The following NELL1 variants were observed in gnomAD, a reference collection of about 807,000 sequenced individuals.
NELL1 encodes neural EGFL like 1.
A neutral mutation model predicts 107.4 loss-of-function variants in NELL1; 76 were observed. That is an observed-to-expected ratio of 0.71 (90% confidence interval 0.59 to 0.86). NELL1 has a LOEUF of 0.86. NELL1 is among the 40% of genes least tolerant of loss of function. The pLI is 0.00. For missense variants in NELL1, 1,024 were observed against 1,005.5 expected (o/e 1.02, Z -0.25); for synonymous variants, 353 against 341.2 (o/e 1.03, Z -0.38).
At chr11:21,131,367 A>G (rs577014431) in intron 13 of NELL1, among the ~76,000 whole-genome samples, 1 of 152,318 alleles carries the variant, frequency 6.6e-6, no homozygotes, top group African/African-American at 2.4e-5. Context: ...TTGGCAAGGA[A>G]ATGCGGTAGA....
At chr11:21,185,504 A>G (rs1312853700) in intron 13 of NELL1, among the ~76,000 whole-genome samples, 1 of 151,618 alleles carries the variant, frequency 6.6e-6, no homozygotes, top group Non-Finnish European at 1.5e-5. Context: ...CATGTTGACC[A>G]GGCTGGTCTT....
At chr11:20,727,723 G>A (rs930419876) in intron 2 of NELL1, among the ~76,000 whole-genome samples, 67 of 152,262 alleles carry the variant, frequency 4.4e-4, no homozygotes, top group African/African-American at 1.5e-3. Flanking sequence ...GGTTTTTATG[G>A]TTTTAGGTCT....
intron 13 of NELL1, among the ~76,000 whole-genome samples, chr11:21,179,861 A>ATTTTTT: frequency 2.4e-5 from 1 of 41,030 alleles, no homozygotes; most frequent in South Asian, 8.2e-4. Flanking sequence ...AAATCAACAC[A>ATTTTTT]CTTTTTTTTT....
rs183119919 is a variant in NELL1, at chr11:20,847,413, A to G, written c.336-170A>G. Among the ~76,000 whole-genome samples the G allele has an allele frequency of 9.8e-5, 15 of 152,300 alleles. 1 individual carries two copies. In the East Asian group the frequency reaches 2.3e-3, roughly 24 times the overall value. Reference sequence around the variant, plus strand: ...GATGTTGCCACGAGGGTTCTCAGACAATAGATTCATTGGGTGTCCTACAGT... The same window carrying G: ...GATGTTGCCACGAGGGTTCTCAGACGATAGATTCATTGGGTGTCCTACAGT... On this transcript the variant is annotated intron_variant, in intron 3 of 19. Coordinates refer to ENST00000357134, the MANE Select transcript of NELL1 (RefSeq NM_006157.5).
intron 12 of NELL1, among the ~76,000 whole-genome samples, chr11:21,084,474 A>T (rs983769662): frequency 9.9e-5 from 15 of 152,156 alleles, no homozygotes; most frequent in African/African-American, 3.6e-4. Context: ...TCTTATAGTG[A>T]TCGCTTGATT....
chr11:21,195,755 A>G (rs1857138889), intron 13 of NELL1, among the ~76,000 whole-genome samples: 1 of 152,144 alleles, frequency 6.6e-6, no homozygotes, highest in African/African-American at 2.4e-5. Context: ...ATCTCAATCC[A>G]TGCAAGCCAT....
intron 15 of NELL1, among the ~76,000 whole-genome samples, chr11:21,373,595 T>G (rs945061228): frequency 5.9e-5 from 9 of 152,130 alleles, no homozygotes; most frequent in African/African-American, 2.2e-4. Context: ...TCAAGTACAC[T>G]TAGTAAAATC....
At chr11:20,928,548 T>A in intron 9 of NELL1, 69 bp downstream of exon 9, 3 of 1,258,302 alleles carry the variant, frequency 2.4e-6, no homozygotes, top group Non-Finnish European at 2.3e-6. Flanking sequence ...TTCCCTGTTT[T>A]TCTGGACTCA....
intron 2 of NELL1, among the ~76,000 whole-genome samples, chr11:20,766,416 T>C (rs1856529532): frequency 6.6e-6 from 1 of 152,226 alleles, no homozygotes; most frequent in Non-Finnish European, 1.5e-5. Flanking sequence ...TGGTTGGCAT[T>C]CAGGGCGTGG....
At chr11:21,446,645 C>G (rs552835465) in intron 15 of NELL1, among the ~76,000 whole-genome samples, 3 of 152,332 alleles carry the variant, frequency 2.0e-5, no homozygotes, top group South Asian at 2.1e-4. Flanking sequence ...TTTCTCCCCA[C>G]AAAACAGGGT....
chr11:21,325,344 G>T (rs1850107499), intron 14 of NELL1, among the ~76,000 whole-genome samples: 1 of 151,918 alleles, frequency 6.6e-6, no homozygotes, highest in South Asian at 2.1e-4. Context: ...CTTAAGCTTT[G>T]TCAACATCTC....
chr11:21,252,543 G>C (rs1316225390), intron 14 of NELL1, among the ~76,000 whole-genome samples: 2 of 152,070 alleles, frequency 1.3e-5, no homozygotes, highest in Non-Finnish European at 2.9e-5. Context: ...TACTTTTTAG[G>C]ATAGCAGTTT....
intron 14 of NELL1, among the ~76,000 whole-genome samples, chr11:21,316,064 GT>G (rs2133656120): frequency 6.6e-6 from 1 of 152,168 alleles, no homozygotes; most frequent in Non-Finnish European, 1.5e-5. Flanking sequence ...TTTTGGGACA[GT>G]TTGTGAATAT....
At chr11:21,173,114 A>T (rs11025958) in intron 13 of NELL1, among the ~76,000 whole-genome samples, 32,780 of 151,682 alleles carry the variant, frequency 0.22, 4,452 homozygotes, top group Middle Eastern at 0.35. Flanking sequence ...TTTCAATTTC[A>T]ACTGGACTTG....
At chr11:21,477,917 A>T (rs538776845) in intron 15 of NELL1, among the ~76,000 whole-genome samples, 1 of 33,924 alleles carries the variant, frequency 2.9e-5, no homozygotes, top group Admixed American at 3.6e-4. Flanking sequence ...AAGAAATTAT[A>T]ATAAAAAGAA....
At chr11:21,495,777 G>A (rs907928868) in intron 15 of NELL1, among the ~76,000 whole-genome samples, 2 of 151,896 alleles carry the variant, frequency 1.3e-5, no homozygotes, top group Non-Finnish European at 1.5e-5. Context: ...GAATATCTTT[G>A]TATATGCTTA....
At chr11:20,919,385 C>A (rs796936584) in intron 7 of NELL1, 51 bp downstream of exon 7, 1 of 1,176,068 alleles carries the variant, frequency 8.5e-7, no homozygotes, top group Non-Finnish European at 1.3e-6. Flanking sequence ...TCTGTCCTAT[C>A]TGGAATTTGG....
At chr11:21,237,127 A>T (rs973073797) in intron 14 of NELL1, among the ~76,000 whole-genome samples, 3 of 152,102 alleles carry the variant, frequency 2.0e-5, no homozygotes, top group Non-Finnish European at 2.9e-5. Flanking sequence ...ACCTGGAATT[A>T]GTTCCCAGGA....
chr11:21,394,635 T>G (rs1411989269), intron 15 of NELL1, among the ~76,000 whole-genome samples: 1 of 151,448 alleles, frequency 6.6e-6, no homozygotes, highest in African/African-American at 2.4e-5. Context: ...GTGTATTGTA[T>G]CTGGGTTAAT....
Sources: gnomAD v4.1 joint callset for allele counts (sites outside exome capture counted in the v4.1 genomes callset) on GRCh38, gnomAD v4.1.1 for gene constraint, MANE v1.5 for transcripts, NCBI Gene and HGNC (gene_info 2026-07-23, HGNC 2026-07-21) for gene names.